Variants in PRAG1 observed in about 807,000 individuals in gnomAD.
PRAG1 encodes PEAK1 related, kinase-activating pseudokinase 1, also known as inactive tyrosine-protein kinase PRAG1.
Under a neutral mutation model 95.6 loss-of-function variants are expected in PRAG1, and 110 were observed. The ratio of observed to expected loss-of-function variants is 1.15; its 90% CI spans 0.99 to 1.35. The LOEUF (loss-of-function observed/expected upper bound fraction) is 1.35. Among genes scored for constraint, PRAG1 ranks in the 40% most tolerant of loss-of-function variants. The pLI, the probability that PRAG1 is intolerant of heterozygous loss-of-function variation, is 0.00. For missense variants in PRAG1, 2,554 were observed against 1,864.7 expected, an observed-to-expected ratio of 1.37 and a Z score of -6.81; for synonymous variants, 1,052 against 819.4, an observed-to-expected ratio of 1.28 and a Z score of -4.85.
intron 3 of PRAG1, among the ~76,000 whole-genome samples, chr8:8,371,297 G>C (rs1003357623): frequency 1.3e-5 from 2 of 151,706 alleles, no homozygotes; most frequent in Middle Eastern, 3.2e-3. Flanking sequence ...GTCTCGCTCT[G>C]TCGCCCAGGC....
At chr8:8,336,366 T>C (rs1798983151) in intron 4 of PRAG1, among the ~76,000 whole-genome samples, 2 of 152,262 alleles carry the variant, frequency 1.3e-5, no homozygotes, top group Middle Eastern at 6.8e-3. Flanking sequence ...CGTCCAACCA[T>C]CCATTCCCTG....
chr8:8,318,981 C>G lies in PRAG1; in HGVS notation c.3394G>C (p.Gly1132Arg). 6.2e-7 allele frequency: 1 copy of G among 1,613,332 alleles called. No individual in the cohort carries two copies. Residue 1132 changes from glycine (G) to arginine (R), a missense_variant, in exon 6 of 6, where the codon GGG becomes CGG. Gly to Arg is a moderately radical substitution (Grantham distance 125). Coordinates refer to ENST00000615670, the MANE Select transcript of PRAG1 (RefSeq NM_001080826.3). The surrounding 1 kb of genome is among the most constrained non-coding windows in gnomAD (Gnocchi z 4.2). ...VCFLLLQLCN[G>R]LEHLKEHGII... ...CCGTGCTCCTTCAGGTGCTCCAGCC[C>G]GTTGCAGAGTTGCAGAAGCAGGAAG...
intron 2 of PRAG1, among the ~76,000 whole-genome samples, chr8:8,379,017 C>A (rs746340748): frequency 3.9e-4 from 59 of 150,996 alleles, no homozygotes; most frequent in Non-Finnish European, 3.8e-4. Flanking sequence ...AGTTTCTGAA[C>A]TGGATCAGGG....
intron 3 of PRAG1, among the ~76,000 whole-genome samples, chr8:8,370,141 G>A (rs576816472): frequency 6.6e-6 from 1 of 152,240 alleles, no homozygotes; most frequent in South Asian, 2.1e-4. Context: ...ACATACTGCT[G>A]TCAAATCAGT....
chr8:8,336,916 C>CA (rs1563233281), intron 4 of PRAG1, among the ~76,000 whole-genome samples: 2 of 32,814 alleles, frequency 6.1e-5, no homozygotes, highest in African/African-American at 2.1e-4. Flanking sequence ...TTTCCCCCCT[C>CA]CCCCCACCTC....
intron 5 of PRAG1, among the ~76,000 whole-genome samples, chr8:8,321,831 G>C (rs1798479958): frequency 6.6e-6 from 1 of 152,160 alleles, no homozygotes; most frequent in Non-Finnish European, 1.5e-5. Context: ...GTTATGTTCT[G>C]TGAAGAAGCC....
In PRAG1 at chr8:8,381,608, G is replaced by A; in HGVS notation, c.140C>T (p.Pro47Leu). ...GGGCAGGCTGCCCGCTCTGGGCTGG[G>A]GAGGGCCGGCCACCAGCTGGTGGTC... ...RSDHQLVAGP[P>L]QPRAGSLPPP... The change falls in exon 2 of 6, where the codon CCC becomes CTC. Residue 47 changes from proline to leucine, a missense_variant. Pro to Leu is a moderately conservative substitution (Grantham distance 98). Transcript: ENST00000615670. 1 of 1,613,970 alleles carries A rather than the reference G, an allele frequency of 6.2e-7. No individual in the cohort carries two copies. Among genetic ancestry groups the A allele is most frequent in the South Asian group, 1.1e-5 (1 of 91,060 alleles).
chr8:8,349,143 C>A lies in PRAG1; in HGVS notation c.2163-9508G>T, dbSNP rs951739330. On this transcript the variant is annotated intron_variant, in intron 3 of 5. Coordinates refer to ENST00000615670, the MANE Select transcript of PRAG1 (RefSeq NM_001080826.3). ...GTTTTTGCCATTAGTACAAAATACA[C>A]CTGTTCTAAAATATTCTGAATTTTC... 3.9e-5 allele frequency among the ~76,000 whole-genome samples: 6 copies of A among 152,222 alleles called. No individual in the cohort carries two copies. The South Asian group carries it at 1.2e-3, about 32-fold the overall frequency.
chr8:8,358,482 C>T (rs539239419), intron 3 of PRAG1, among the ~76,000 whole-genome samples: 5 of 152,240 alleles, frequency 3.3e-5, no homozygotes, highest in African/African-American at 7.2e-5. Flanking sequence ...AAGTCTCAAC[C>T]CTCTAATCTT....
chr8:8,318,642 A>T lies in PRAG1; in HGVS notation c.3733T>A (p.Ser1245Thr). 3 of 1,611,400 alleles carry T rather than the reference A, an allele frequency of 1.9e-6. No homozygotes were observed. The highest frequency in any genetic ancestry group is 2.5e-6 in the Non-Finnish European group (3 of 1,179,650). The change falls in exon 6 of 6, where the codon TCT (serine) becomes ACT (threonine). Residue 1245 changes from serine to threonine, a missense_variant. Transcript: ENST00000615670. This position sits in a 1 kb window ranked among gnomAD's most constrained non-coding sequence, Gnocchi z 4.2. ...SQARLAPEIV[S>T]ASQYRKFDEF... is the part of the protein sequence containing the mutation. ...TCGAACTTGCGGTACTGGGAAGCAG[A>T]CACGATCTCGGGGGCCAGCCGGGCC...
intron 3 of PRAG1, among the ~76,000 whole-genome samples, chr8:8,342,861 A>G (rs921863756): frequency 6.6e-5 from 10 of 152,196 alleles, no homozygotes; most frequent in African/African-American, 2.4e-4. Context: ...AATTTTTAAA[A>G]TAAGGGCTAA....
At chr8:8,327,173 C>A (rs188253304) in intron 5 of PRAG1, among the ~76,000 whole-genome samples, 5 of 152,338 alleles carry the variant, frequency 3.3e-5, no homozygotes, top group African/African-American at 7.2e-5. Context: ...GTTTTCTTAA[C>A]TCAGCTAAAG....
chr8:8,378,079 C>G lies in PRAG1; in HGVS notation c.331-1G>C, dbSNP rs556374825. On this transcript the variant is annotated splice_acceptor_variant, in intron 2 of 5. Coordinates refer to ENST00000615670, the MANE Select transcript of PRAG1 (RefSeq NM_001080826.3). LOFTEE classifies it high-confidence loss of function. ...TGCCAGGGGCTCGTCTCCAGATGAC[C>G]TACACACAAGCCCAACGCAAAAAGA... 3 of 1,524,982 alleles carry G rather than the reference C, an allele frequency of 2.0e-6. No homozygotes were observed. Among genetic ancestry groups the G allele is most frequent in the African/African-American group, 2.8e-5 (2 of 71,972 alleles). The allele number at this position is 1,524,982 out of a possible 1,614,324, so 94.5% of individuals were successfully genotyped here.
intron 3 of PRAG1, among the ~76,000 whole-genome samples, chr8:8,375,102 C>T (rs1468948925): frequency 6.6e-6 from 1 of 151,116 alleles, no homozygotes; most frequent in Non-Finnish European, 1.5e-5. Flanking sequence ...ATTTATTTTT[C>T]TCGAGTCTTT....
intron 3 of PRAG1, among the ~76,000 whole-genome samples, chr8:8,365,447 A>AC (rs772227362): frequency 1.3e-5 from 2 of 151,310 alleles, no homozygotes; most frequent in Non-Finnish European, 2.9e-5. Context: ...ACATGGAGAA[A>AC]CCCCGTCTCT....
chr8:8,377,982 C>T lies in PRAG1; in HGVS notation c.427G>A (p.Ala143Thr), dbSNP rs551944411. 3 of 1,612,784 alleles carry T rather than the reference C, an allele frequency of 1.9e-6. No homozygotes were observed. The highest frequency in any genetic ancestry group is 1.3e-5 in the African/African-American group (1 of 75,014). Residue 143 changes from alanine (A) to threonine (T), a missense_variant, in exon 3 of 6, where the codon GCT (alanine) becomes ACT (threonine). Physicochemically the swap from Ala to Thr is moderately conservative, Grantham distance 58. Coordinates refer to ENST00000615670, the MANE Select transcript of PRAG1 (RefSeq NM_001080826.3). ...LGSFRGVQKP[A>T]GPSTSPDGNS... ...CCATCAGGGGAGGTAGAGGGACCAG[C>T]AGGCTTCTGTACACCTCGGAAGCTG...
intron 3 of PRAG1, among the ~76,000 whole-genome samples, chr8:8,360,121 T>C (rs917583397): frequency 6.6e-6 from 1 of 152,176 alleles, no homozygotes; most frequent in Non-Finnish European, 1.5e-5. Context: ...TCAAGGGCTC[T>C]TGGTGGGACT....
At chr8:8,345,656 A>T (rs1212149174) in intron 3 of PRAG1, among the ~76,000 whole-genome samples, 1 of 152,080 alleles carries the variant, frequency 6.6e-6, no homozygotes, top group African/African-American at 2.4e-5. Flanking sequence ...TTAGCCAAGC[A>T]CGGTGGTGTA....
chr8:8,357,182 C>G (rs1183226549), intron 3 of PRAG1, among the ~76,000 whole-genome samples: 2 of 152,110 alleles, frequency 1.3e-5, no homozygotes, highest in African/African-American at 4.8e-5. Flanking sequence ...AATAGATAAA[C>G]TGGACTACAT....
Sources: gnomAD v4.1 joint callset for allele counts (sites outside exome capture counted in the v4.1 genomes callset) on GRCh38, gnomAD v4.1.1 for gene constraint, Gnocchi (gnomAD v3.1) non-coding constraint, MANE v1.5 for transcripts, NCBI Gene and HGNC (gene_info 2026-07-23, HGNC 2026-07-21) for gene names.